LOC128462377: variants seen among roughly 807,000 people sequenced by gnomAD.
chr16:89,416,241 G>A, the LOC128462377 span, among the ~76,000 whole-genome samples: 2 of 152,098 alleles, frequency 1.3e-5, no homozygotes. Flanking sequence ...GGTCCTGTCA[G>A]CAGAGTTGCT....
chr16:89,402,325 G>C, the LOC128462377 span, among the ~76,000 whole-genome samples: 6 of 152,090 alleles, frequency 3.9e-5, no homozygotes, highest in Non-Finnish European at 7.4e-5. Flanking sequence ...CAGTTCACAT[G>C]AACTCCTAAC....
the LOC128462377 span, among the ~76,000 whole-genome samples, chr16:89,342,056 C>T: frequency 9.7e-6 from 1 of 102,622 alleles, no homozygotes; most frequent in African/African-American, 3.6e-5. Flanking sequence ...CGGCCCACGG[C>T]GGGAGTGCTG....
At chr16:89,318,454 C>T in the LOC128462377 span, among the ~76,000 whole-genome samples, 1 of 152,252 alleles carries the variant, frequency 6.6e-6, no homozygotes, top group Non-Finnish European at 1.5e-5. Flanking sequence ...CACAGCAGCA[C>T]CTCTGTGCGC....
the LOC128462377 span, among the ~76,000 whole-genome samples, chr16:89,391,490 A>G: frequency 1.3e-5 from 2 of 152,338 alleles, no homozygotes; most frequent in Admixed American, 1.3e-4. Flanking sequence ...CTGGGCAGAA[A>G]GCCCACACAA....
At chr16:89,408,694 C>T in the LOC128462377 span, among the ~76,000 whole-genome samples, 1 of 151,966 alleles carries the variant, frequency 6.6e-6, no homozygotes, top group Non-Finnish European at 1.5e-5. Flanking sequence ...AGCGCTAATA[C>T]AACCACCTCT....
the LOC128462377 span, among the ~76,000 whole-genome samples, chr16:89,367,918 C>T: frequency 1.3e-5 from 2 of 152,154 alleles, no homozygotes; most frequent in Non-Finnish European, 2.9e-5. Context: ...GTGGGAGGAT[C>T]ACTTGAGCCC....
the LOC128462377 span, among the ~76,000 whole-genome samples, chr16:89,352,668 CT>C: frequency 6.6e-6 from 1 of 152,200 alleles, no homozygotes; most frequent in African/African-American, 2.4e-5. Context: ...CCAAAGTGTT[CT>C]GTGCCTGGCC....
At chr16:89,374,571 T>C in the LOC128462377 span, among the ~76,000 whole-genome samples, 3 of 152,236 alleles carry the variant, frequency 2.0e-5, no homozygotes, top group Non-Finnish European at 4.4e-5. Flanking sequence ...CTCTGTCCTA[T>C]GCTTCCAGGA....
the LOC128462377 span, among the ~76,000 whole-genome samples, chr16:89,338,367 G>T: frequency 6.8e-6 from 1 of 147,862 alleles, no homozygotes; most frequent in South Asian, 2.2e-4. Flanking sequence ...CTGCAAAATT[G>T]AAACATGGGT....
the LOC128462377 span, chr16:89,412,643 C>G: frequency 6.6e-6 from 1 of 152,072 alleles, no homozygotes; most frequent in African/African-American, 2.4e-5. Flanking sequence ...TTAAATAGAA[C>G]TTACTGAGTA....
chr16:89,367,779 T>A, the LOC128462377 span, among the ~76,000 whole-genome samples: 7 of 152,136 alleles, frequency 4.6e-5, no homozygotes, highest in Admixed American at 1.3e-4. Flanking sequence ...TGCTGCCTCT[T>A]GCAAACTATG....
the LOC128462377 span, among the ~76,000 whole-genome samples, chr16:89,382,578 C>G: frequency 0.013 from 2,017 of 152,156 alleles, 40 homozygotes; most frequent in African/African-American, 0.046. Flanking sequence ...CCACCTTGAT[C>G]CATCCACTTC....
the LOC128462377 span, among the ~76,000 whole-genome samples, chr16:89,347,071 G>A: frequency 1.3e-5 from 2 of 152,150 alleles, no homozygotes; most frequent in Non-Finnish European, 2.9e-5. Context: ...CCAGCTAAAG[G>A]GGGTGACTGA....
At chr16:89,367,418 C>A in the LOC128462377 span, among the ~76,000 whole-genome samples, 1 of 152,086 alleles carries the variant, frequency 6.6e-6, no homozygotes. Context: ...CCTTAGCCGG[C>A]AACTCAGGGG....
At chr16:89,369,012 G>C in the LOC128462377 span, among the ~76,000 whole-genome samples, 1 of 152,132 alleles carries the variant, frequency 6.6e-6, no homozygotes, top group African/African-American at 2.4e-5. Context: ...AGTCAACCAA[G>C]ATGTAAGCAG....
At chr16:89,416,958 C>T in the LOC128462377 span, among the ~76,000 whole-genome samples, 1 of 152,068 alleles carries the variant, frequency 6.6e-6, no homozygotes, top group Non-Finnish European at 1.5e-5. Flanking sequence ...CAACCAGGCT[C>T]AGTCCACCTC....
At chr16:89,322,665 G>T in the LOC128462377 span, among the ~76,000 whole-genome samples, 208 of 152,314 alleles carry the variant, frequency 1.4e-3, 1 homozygote, top group Middle Eastern at 6.8e-3. Context: ...TTTGCCTTGA[G>T]GGGGACACTG....
chr16:89,374,194 A>G, the LOC128462377 span, among the ~76,000 whole-genome samples: 2 of 152,234 alleles, frequency 1.3e-5, no homozygotes, highest in Admixed American at 1.3e-4. Context: ...TTTTAAAAAC[A>G]TTAATATCAG....
chr16:89,395,375 T>C, the LOC128462377 span, among the ~76,000 whole-genome samples: 1 of 152,234 alleles, frequency 6.6e-6, no homozygotes, highest in Non-Finnish European at 1.5e-5. Context: ...AGCCCAGTCC[T>C]GCACTGCGGG....
Sources: allele counts gnomAD v4.1 joint callset (sites outside exome capture counted in the v4.1 genomes callset), GRCh38; gene constraint gnomAD v4.1.1; transcripts MANE v1.5.